The following PRKDC variants were observed in gnomAD, a reference collection of about 807,000 sequenced individuals.
PRKDC encodes DNA-dependent protein kinase catalytic subunit.
A neutral mutation model predicts 486.9 loss-of-function variants in PRKDC; 82 were observed. That is an observed-to-expected ratio of 0.17 (90% CI 0.14 to 0.20). The LOEUF is 0.20. PRKDC is among the 10% of genes least tolerant of loss of function. The probability of loss-of-function intolerance (pLI) is 1.00; values close to 1 mark genes in which losing one functional copy is unlikely to be tolerated. For synonymous variants in PRKDC, 1,895 were observed against 1,837.0 expected (o/e 1.03, Z -0.81); for missense variants, 4,504 against 5,038.2 (o/e 0.89, Z 3.21).
In PRKDC at chr8:47,778,667, AAG is replaced by A. The variant is rs750462954; in HGVS notation, c.11652-9_11652-8del. On this transcript the variant is annotated splice_region_variant and splice_polypyrimidine_tract_variant and intron_variant, in intron 82 of 85. Coordinates refer to ENST00000314191, the MANE Select transcript of PRKDC (RefSeq NM_006904.7). Reference sequence around the variant, plus strand: ...CATCCTCACGAAGGCCCGCCTACAAAAGAGACACAGCTGTGCGGCTGCTGTGA... The same window carrying A: ...CATCCTCACGAAGGCCCGCCTACAAAAGACACAGCTGTGCGGCTGCTGTGA... The A allele has an allele frequency of 1.9e-6, 3 of 1,613,480 alleles. No individual in the cohort carries two copies. The highest frequency in any genetic ancestry group is 3.3e-5 in the Admixed American group (2 of 59,924).
chr8:47,928,007 T>C (rs2090181864), intron 19 of PRKDC, 117 bp from the exon 20 acceptor site: 15 of 943,650 alleles, frequency 1.6e-5, no homozygotes. Context: ...TTTATTGACA[T>C]GACCACATTC....
chr8:47,915,854 C>T (rs185616138), intron 22 of PRKDC, among the ~76,000 whole-genome samples: 1 of 152,184 alleles, frequency 6.6e-6, no homozygotes, highest in Non-Finnish European at 1.5e-5. Flanking sequence ...GTCTTTTTAG[C>T]TAACTGTAGT....
chr8:47,779,375 A>G (rs2086661486), intron 80 of PRKDC: 1 of 308,110 alleles, frequency 3.2e-6, no homozygotes, highest in African/African-American at 2.2e-5. Context: ...CCACTGACAT[A>G]GAGAGGAATA....
At chr8:47,878,937 A>G (rs1160144673) in intron 39 of PRKDC, among the ~76,000 whole-genome samples, 1 of 152,140 alleles carries the variant, frequency 6.6e-6, no homozygotes, top group Non-Finnish European at 1.5e-5. Flanking sequence ...ATACACAAAC[A>G]TTCCAAAATC....
At chr8:47,798,155 A>G in intron 73 of PRKDC, 82 bp downstream of exon 73, 2 of 1,424,014 alleles carry the variant, frequency 1.4e-6, no homozygotes, top group Admixed American at 2.1e-5. Flanking sequence ...TGCACTGCAC[A>G]CACTAACGCG....
intron 61 of PRKDC, among the ~76,000 whole-genome samples, chr8:47,829,456 T>G (rs1422607214): frequency 1.3e-5 from 2 of 152,166 alleles, no homozygotes; most frequent in Non-Finnish European, 2.9e-5. Flanking sequence ...GAAATTCTAC[T>G]GATTTAAGAT....
At chr8:47,847,203 G>C (rs919902986) in intron 54 of PRKDC, among the ~76,000 whole-genome samples, 1 of 152,018 alleles carries the variant, frequency 6.6e-6, no homozygotes, top group African/African-American at 2.4e-5. Context: ...TAAGCAAAAA[G>C]AACAAAGCCA....
At chr8:47,847,884 TATATATATATATAA>T (rs2088307314) in intron 54 of PRKDC, among the ~76,000 whole-genome samples, 1 of 150,904 alleles carries the variant, frequency 6.6e-6, no homozygotes, top group Non-Finnish European at 1.5e-5. Context: ...AATATATATA[TATATATATATATAA>T]AAGTCATCAT....
rs756685011 is a variant in PRKDC, at chr8:47,860,878, ATGAT to A, written c.6058+17_6058+20del. The A allele has an allele frequency of 1.9e-5, 30 of 1,575,698 alleles. No individual in the cohort carries two copies. The highest frequency in any genetic ancestry group is 2.6e-5 in the Non-Finnish European group (30 of 1,153,848). On this transcript the variant is annotated intron_variant, in intron 45 of 85. Transcript: ENST00000314191. ...AACCCATCGATTTGAATCCTTTCTC[ATGAT>A]TTTGAAAACATCCTACCTGAATCCC...
intron 21 of PRKDC, among the ~76,000 whole-genome samples, chr8:47,925,797 C>T (rs2090147716): frequency 6.6e-6 from 1 of 152,148 alleles, no homozygotes; most frequent in South Asian, 2.1e-4. Flanking sequence ...AGAGAAAGTA[C>T]ATGCAACAAC....
intron 17 of PRKDC, 35 bp from the exon 18 acceptor site, chr8:47,930,047 T>G: frequency 6.4e-6 from 10 of 1,562,982 alleles, no homozygotes; most frequent in Non-Finnish European, 8.7e-6. Context: ...AGGTAGAAAT[T>G]TGTATCATTC....
chr8:47,905,674 A>T (rs2089767614), intron 25 of PRKDC, among the ~76,000 whole-genome samples: 1 of 152,160 alleles, frequency 6.6e-6, no homozygotes, highest in African/African-American at 2.4e-5. Flanking sequence ...AAACAGATTT[A>T]ATCTGTTTAT....
chr8:47,890,554 T>A, intron 31 of PRKDC, 74 bp from the exon 32 acceptor site: 1 of 1,211,882 alleles, frequency 8.3e-7, no homozygotes, highest in Non-Finnish European at 1.1e-6. Context: ...AAATTGCTTC[T>A]GTAAGTATAG....
intron 74 of PRKDC, among the ~76,000 whole-genome samples, chr8:47,792,630 G>A (rs1487845698): frequency 6.6e-6 from 1 of 152,068 alleles, no homozygotes; most frequent in Admixed American, 6.6e-5. Context: ...ATAACACAAA[G>A]AAATGATAAA....
chr8:47,860,519 C>T (rs1037750602), intron 45 of PRKDC, among the ~76,000 whole-genome samples: 3 of 152,172 alleles, frequency 2.0e-5, no homozygotes, highest in African/African-American at 7.2e-5. Flanking sequence ...AGGCTGGGCA[C>T]AGAAGAGTGG....
intron 56 of PRKDC, among the ~76,000 whole-genome samples, chr8:47,838,806 A>G (rs2088080872): frequency 6.6e-6 from 1 of 152,222 alleles, no homozygotes; most frequent in Non-Finnish European, 1.5e-5. Flanking sequence ...CAACATTAAT[A>G]CTTACAGCAT....
intron 22 of PRKDC, 39 bp from the exon 23 acceptor site, chr8:47,915,457 G>T: frequency 8.3e-7 from 1 of 1,206,290 alleles, no homozygotes. Flanking sequence ...GATTACAAAT[G>T]GGTTAAAGAT....
intron 57 of PRKDC, 132 bp downstream of exon 57, chr8:47,837,080 G>A (rs1431830378): frequency 7.8e-6 from 8 of 1,026,512 alleles, no homozygotes; most frequent in East Asian, 5.2e-5. Context: ...GCAGAGGCAC[G>A]AGCCTTCCCT....
At chr8:47,935,974 A>G in intron 12 of PRKDC, 74 bp from the exon 13 acceptor site, 1 of 1,362,856 alleles carries the variant, frequency 7.3e-7, no homozygotes, top group Non-Finnish European at 1.0e-6. Flanking sequence ...AAATATTCAA[A>G]GTAATTACAA....
Sources: allele counts gnomAD v4.1 joint callset (sites outside exome capture counted in the v4.1 genomes callset), GRCh38; gene constraint gnomAD v4.1.1; transcripts MANE v1.5; gene names NCBI Gene and HGNC (gene_info 2026-07-23, HGNC 2026-07-21).